Variants in TAPT1 observed in about 807,000 individuals in gnomAD.
TAPT1 encodes transmembrane anterior posterior transformation protein 1 homolog.
Under a neutral mutation model 65.6 loss-of-function variants are expected in TAPT1, and 28 were observed. The observed-to-expected ratio is 0.43, with a 90% confidence interval of 0.32 to 0.59. TAPT1 has a LOEUF of 0.59. TAPT1 is among the 20% of genes least tolerant of loss of function. The pLI is 0.09. For missense variants in TAPT1, 563 were observed against 679.9 expected, an observed-to-expected ratio of 0.83 and a Z score of 1.91; for synonymous variants, 278 against 245.2, an observed-to-expected ratio of 1.13 and a Z score of -1.25.
intron 3 of TAPT1, among the ~76,000 whole-genome samples, chr4:16,192,020 A>G (rs1041266272): frequency 2.0e-5 from 3 of 152,272 alleles, no homozygotes; most frequent in Non-Finnish European, 4.4e-5. Context: ...TGGATGAACC[A>G]TAATTTATTT....
At chr4:16,226,490 CCCTCCAGCCTCTG>C (rs1208333334), upstream of TAPT1, 1 of 1,041,994 alleles carries the variant, frequency 9.6e-7, no homozygotes, top group Admixed American at 5.6e-5. Context: ...CCCGCCGCCT[CCCTCCAGCCTCTG>C]CCTCCGGCCG....
upstream of TAPT1, chr4:16,227,223 C>T (rs1489370132): frequency 6.6e-6 from 3 of 455,248 alleles, no homozygotes; most frequent in African/African-American, 6.0e-5. Flanking sequence ...GGCAGAGTTT[C>T]AAGGGCTGGC....
At chr4:16,187,974 T>C (rs1229143458) in intron 5 of TAPT1, among the ~76,000 whole-genome samples, 6 of 152,186 alleles carry the variant, frequency 3.9e-5, no homozygotes, top group Non-Finnish European at 2.9e-5. Context: ...AAAGTCTTCC[T>C]TATAATCAGT....
intron 8 of TAPT1, 69 bp from the exon 9 acceptor site, chr4:16,176,297 G>C (rs1748319970): frequency 2.7e-6 from 2 of 738,104 alleles, no homozygotes; most frequent in African/African-American, 3.6e-5. Context: ...CAGGCTACCA[G>C]AGAAATATGA....
At chr4:16,210,382 T>A (rs1274763440) in intron 2 of TAPT1, among the ~76,000 whole-genome samples, 5 of 152,212 alleles carry the variant, frequency 3.3e-5, no homozygotes, top group Admixed American at 6.5e-5. Context: ...CCTCCTGCTG[T>A]GCACATCCCA....
intron 4 of TAPT1, chr4:16,190,719 G>A (rs112064045): frequency 1.9e-5 from 3 of 154,758 alleles, no homozygotes; most frequent in Admixed American, 1.3e-4. Flanking sequence ...GGCTTATAAA[G>A]CGAAGCATTT....
At chr4:16,206,961 G>A (rs1346694086) in intron 2 of TAPT1, among the ~76,000 whole-genome samples, 2 of 152,164 alleles carry the variant, frequency 1.3e-5, no homozygotes, top group Non-Finnish European at 2.9e-5. Context: ...CAGAAAGAAC[G>A]TGGAAGCTGT....
intron 3 of TAPT1, among the ~76,000 whole-genome samples, chr4:16,196,415 T>C (rs1437404668): frequency 6.6e-6 from 1 of 152,216 alleles, no homozygotes; most frequent in Non-Finnish European, 1.5e-5. Flanking sequence ...AGCTAACATG[T>C]GTAAAGATGA....
At chr4:16,199,067 C>T (rs1250945041) in intron 3 of TAPT1, among the ~76,000 whole-genome samples, 1 of 152,128 alleles carries the variant, frequency 6.6e-6, no homozygotes, top group African/African-American at 2.4e-5. Context: ...TCTGTGTAAC[C>T]TGGCCTATCC....
Position 16,163,250 on chromosome 4 carries a change from G to A in TAPT1, c.*58C>T, listed in dbSNP as rs1034242020. 2 of 1,237,800 alleles carry A rather than the reference G, an allele frequency of 1.6e-6. No individual in the cohort carries two copies. The highest frequency in any genetic ancestry group is 3.4e-5 in the Admixed American group (2 of 58,388). 76.7% of individuals were successfully genotyped at this position (1,237,800 alleles called of 1,614,324 possible). On this transcript the variant is annotated 3_prime_UTR_variant, in exon 14 of 14. Transcript: ENST00000405303. ...GCCATGTTTAGCATCTATTTGTCCT[G>A]GCAACACAGCACTTGTTGCCCCAGG...
At chr4:16,194,757 A>G (rs900635891) in intron 3 of TAPT1, among the ~76,000 whole-genome samples, 1 of 152,158 alleles carries the variant, frequency 6.6e-6, no homozygotes, top group African/African-American at 2.4e-5. Flanking sequence ...TGCTAACATC[A>G]TAATTGGTTG....
At chr4:16,176,368 C>T in intron 8 of TAPT1, 140 bp from the exon 9 acceptor site, 1 of 557,902 alleles carries the variant, frequency 1.8e-6, no homozygotes. Context: ...CAATTATAAC[C>T]TTTATCAAAA....
At chr4:16,219,808 GA>G (rs1191041588) in intron 1 of TAPT1, among the ~76,000 whole-genome samples, 1 of 152,230 alleles carries the variant, frequency 6.6e-6, no homozygotes, top group Non-Finnish European at 1.5e-5. Context: ...GAGGTTCACA[GA>G]AGTTGAGAGA....
At position 16,162,661 on chromosome 4, in the gene TAPT1, T is replaced by C. The variant is rs926858047; in HGVS notation, c.*647A>G. 1.9e-5 allele frequency: 3 copies of C among 156,630 alleles called. No individual in the cohort carries two copies. Among genetic ancestry groups the C allele is most frequent in the African/African-American group, 7.5e-5 (3 of 39,786 alleles). The allele number at this position is 156,630 out of a possible 1,614,324, so 9.7% of individuals were successfully genotyped here. A position where few individuals can be genotyped will look rare whatever the true frequency, so the allele number is the denominator to read the frequency against. On this transcript the variant is annotated 3_prime_UTR_variant, in exon 14 of 14. Coordinates refer to ENST00000405303, the MANE Select transcript of TAPT1 (RefSeq NM_153365.3). The stretch of plus-strand genomic sequence containing the variant: ...ATGAAGGATTTTTCCCAGTAATGCA[T>C]AGCCTTCATTAATTATTTTTTTAAT...
intron 1 of TAPT1, 36 bp downstream of exon 1, chr4:16,226,223 T>G (rs957635539): frequency 9.1e-7 from 1 of 1,101,894 alleles, no homozygotes; most frequent in Non-Finnish European, 1.1e-6. Context: ...AGTCCGCCCC[T>G]CGGAGCCCGC....
intron 11 of TAPT1, among the ~76,000 whole-genome samples, chr4:16,173,563 A>G (rs1049141571): frequency 1.3e-5 from 2 of 152,138 alleles, no homozygotes; most frequent in Admixed American, 1.3e-4. Flanking sequence ...AAAAATACAT[A>G]CTTCTTGGGT....
chr4:16,162,936 C>A lies in TAPT1; in HGVS notation c.*372G>T. On this transcript the variant is annotated 3_prime_UTR_variant, in exon 14 of 14. Transcript: ENST00000405303. ...GTCGTGGTAAAAGTTTCACAGTTTT[C>A]CAGGTATTTCCTTATACTGAAGAGG... 2.3e-6 allele frequency: 1 copy of A among 441,818 alleles called. No individual in the cohort carries two copies. 27.4% of individuals were successfully genotyped at this position (441,818 alleles called of 1,614,324 possible). A position where few individuals can be genotyped will look rare whatever the true frequency, so the allele number is the denominator to read the frequency against.
intron 1 of TAPT1, among the ~76,000 whole-genome samples, chr4:16,223,038 C>A (rs1212683792): frequency 1.3e-5 from 2 of 152,126 alleles, no homozygotes; most frequent in African/African-American, 4.8e-5. Context: ...TTACACCAAG[C>A]CTTCTGTTAA....
At chr4:16,204,048 T>G (rs1750194926) in intron 2 of TAPT1, among the ~76,000 whole-genome samples, 1 of 152,188 alleles carries the variant, frequency 6.6e-6, no homozygotes, top group Non-Finnish European at 1.5e-5. Context: ...CACAAAGCAG[T>G]ACAGCAGGAG....
Sources: gnomAD v4.1 joint callset for allele counts (sites outside exome capture counted in the v4.1 genomes callset) on GRCh38, gnomAD v4.1.1 for gene constraint, MANE v1.5 for transcripts, NCBI Gene and HGNC (gene_info 2026-07-23, HGNC 2026-07-21) for gene names.